SLIT1: variants seen among roughly 807,000 people sequenced by gnomAD.
The protein encoded by SLIT1 is slit guidance ligand 1.
Under a neutral mutation model 186.1 loss-of-function variants are expected in SLIT1, and 66 were observed. That is an observed-to-expected ratio of 0.35 (90% CI 0.29 to 0.44). The LOEUF is 0.44. SLIT1 is among the 20% of genes least tolerant of loss of function. The pLI is 1.00. For synonymous variants in SLIT1, 761 were observed against 833.8 expected (o/e 0.91, Z 1.50); for missense variants, 1,638 against 2,037.4 (o/e 0.80, Z 3.77).
rs1386624867 is a variant in SLIT1, at chr10:97,010,594, A to G, written c.3341+399T>C. Among the ~76,000 whole-genome samples the G allele has an allele frequency of 6.6e-6, 1 of 152,230 alleles. No homozygotes were observed. The highest frequency in any genetic ancestry group is 1.5e-5 in the Non-Finnish European group (1 of 68,040). On this transcript the variant is annotated intron_variant, in intron 31 of 36. Coordinates refer to ENST00000266058, the MANE Select transcript of SLIT1 (RefSeq NM_003061.3). The surrounding 1 kb of genome is among the most constrained non-coding windows in gnomAD (Gnocchi z 4.8). ...ATCTCAATAAAGCTATTTTTTAACAAATGAGTGAGCAGAGCATGGGACGTG... is the reference window on the plus strand; with the variant it reads ...ATCTCAATAAAGCTATTTTTTAACAGATGAGTGAGCAGAGCATGGGACGTG...
chr10:97,170,598 C>T (rs1034734522), intron 1 of SLIT1, among the ~76,000 whole-genome samples: 1 of 152,206 alleles, frequency 6.6e-6, no homozygotes, highest in Non-Finnish European at 1.5e-5. Flanking sequence ...AGCGCGTTCT[C>T]CCTCTTCCAA....
At chr10:97,142,734 T>C (rs1009013867) in intron 4 of SLIT1, among the ~76,000 whole-genome samples, 1 of 152,204 alleles carries the variant, frequency 6.6e-6, no homozygotes, top group Non-Finnish European at 1.5e-5. Flanking sequence ...AAGGGGTTAC[T>C]ATCTAGAATA....
At chr10:97,089,094 G>C (rs1849200346) in intron 4 of SLIT1, among the ~76,000 whole-genome samples, 1 of 152,224 alleles carries the variant, frequency 6.6e-6, no homozygotes, top group Non-Finnish European at 1.5e-5. Context: ...CCAGCTCCCA[G>C]GTGCCAGTGC....
At chr10:97,163,687 C>A (rs1409429421) in intron 2 of SLIT1, among the ~76,000 whole-genome samples, 1 of 152,242 alleles carries the variant, frequency 6.6e-6, no homozygotes, top group Non-Finnish European at 1.5e-5. Flanking sequence ...CATCTTACCT[C>A]ACCACAAAAT....
chr10:97,060,213 G>A (rs1215108066), intron 9 of SLIT1, 55 bp from the exon 10 acceptor site: 36 of 1,418,780 alleles, frequency 2.5e-5, no homozygotes, highest in Non-Finnish European at 3.4e-5. Flanking sequence ...CCAGCCCTGG[G>A]TGTTATCTGC....
At chr10:97,181,685 A>G (rs1413024654) in intron 1 of SLIT1, among the ~76,000 whole-genome samples, 1 of 152,110 alleles carries the variant, frequency 6.6e-6, no homozygotes, top group Non-Finnish European at 1.5e-5. Context: ...ATCTCTACAA[A>G]AAAGGAAAAA....
At chr10:97,036,279 G>A (rs1564658630) in intron 22 of SLIT1, among the ~76,000 whole-genome samples, 1 of 152,178 alleles carries the variant, frequency 6.6e-6, no homozygotes, top group Non-Finnish European at 1.5e-5. Flanking sequence ...ATGAGGAGGT[G>A]GTGGTACTTC....
rs1270351829 is a variant in SLIT1 at position 96,999,502 on chromosome 10, CAGAT to C, written c.*1606_*1609del. 2 of 152,440 alleles carry C rather than the reference CAGAT, an allele frequency of 1.3e-5. No individual in the cohort carries two copies. Among genetic ancestry groups the C allele is most frequent in the East Asian group, 1.9e-4 (1 of 5,198 alleles). 9.4% of individuals were successfully genotyped at this position (152,440 alleles called of 1,614,324 possible). On this transcript the variant is annotated 3_prime_UTR_variant, in exon 37 of 37. Coordinates refer to ENST00000266058, the MANE Select transcript of SLIT1 (RefSeq NM_003061.3). ...TACACCCAGCCATGCCTCCTGGTCA[CAGAT>C]GGAGGGAGCCAGGGCAGGGACATGC...
chr10:97,136,441 A>T (rs116590961), intron 4 of SLIT1, among the ~76,000 whole-genome samples: 2,051 of 152,304 alleles, frequency 0.013, 37 homozygotes, highest in African/African-American at 0.047. Context: ...CAATGTGTCC[A>T]TATGCTATTA....
At chr10:97,063,642 C>A in intron 7 of SLIT1, 24 bp from the exon 8 acceptor site, 4 of 1,571,230 alleles carry the variant, frequency 2.5e-6, no homozygotes, top group Non-Finnish European at 3.5e-6. Flanking sequence ...GGATGGCTCA[C>A]AACCCATCTG....
intron 4 of SLIT1, among the ~76,000 whole-genome samples, chr10:97,084,837 C>T (rs1183795030): frequency 6.6e-6 from 1 of 151,916 alleles, no homozygotes; most frequent in Non-Finnish European, 1.5e-5. Flanking sequence ...AACCTCTTGG[C>T]CTCAAGTGAT....
At chr10:97,170,666 A>G (rs142760133) in intron 1 of SLIT1, among the ~76,000 whole-genome samples, 101 of 152,342 alleles carry the variant, frequency 6.6e-4, no homozygotes, top group African/African-American at 1.7e-3. Flanking sequence ...CCAGTGGCAA[A>G]TGGCCCTGAT....
intron 1 of SLIT1, among the ~76,000 whole-genome samples, chr10:97,166,490 TG>T (rs1850108846): frequency 7.1e-6 from 1 of 140,030 alleles, no homozygotes; most frequent in Admixed American, 7.5e-5. Flanking sequence ...CACTCCAGCC[TG>T]GGCAACAAGA....
At chr10:97,015,128 A>G (rs1434632608) in intron 28 of SLIT1, among the ~76,000 whole-genome samples, 1 of 152,176 alleles carries the variant, frequency 6.6e-6, no homozygotes, top group African/African-American at 2.4e-5. Context: ...AAATATCTGC[A>G]CGAGCTCTTC....
intron 1 of SLIT1, among the ~76,000 whole-genome samples, chr10:97,168,462 T>C (rs1850147652): frequency 1.3e-5 from 2 of 152,256 alleles, no homozygotes; most frequent in Admixed American, 1.3e-4. Context: ...ACTTACTATG[T>C]GCAAAGCATT....
Position 97,060,076 on chromosome 10 carries a change from G to A in SLIT1, c.1013+11C>T, listed in dbSNP as rs750684164. 18 of 1,606,956 alleles carry A rather than the reference G, an allele frequency of 1.1e-5. No homozygotes were observed. Among genetic ancestry groups the A allele is most frequent in the South Asian group, 8.8e-5 (8 of 90,976 alleles). ...GTACCAGCTCCCCAGGAAGCAGTGG[G>A]AGGCACTCACATCCTCCGTAGCTTT... On this transcript the variant is annotated intron_variant, in intron 10 of 36. Coordinates refer to ENST00000266058, the MANE Select transcript of SLIT1 (RefSeq NM_003061.3).
chr10:96,998,473 C>T lies in SLIT1; in HGVS notation c.*2639G>A, dbSNP rs1035416402. On this transcript the variant is annotated 3_prime_UTR_variant, in exon 37 of 37. Transcript: ENST00000266058. ...CCTCCGGACGCACCCTGCTGTATCT[C>T]TTCATGCCTAAAATGCAGAGCGAAC... 1 of 152,216 alleles carries T rather than the reference C, an allele frequency of 6.6e-6. No homozygotes were observed. The highest frequency in any genetic ancestry group is 1.5e-5 in the Non-Finnish European group (1 of 68,056). 9.4% of individuals were successfully genotyped at this position (152,216 alleles called of 1,614,324 possible).
intron 25 of SLIT1, among the ~76,000 whole-genome samples, chr10:97,030,432 G>T (rs183627462): frequency 6.6e-6 from 1 of 152,152 alleles, no homozygotes; most frequent in Non-Finnish European, 1.5e-5. Flanking sequence ...TCCATTTCCC[G>T]GTGTGAAAGA....
rs565301491 is a variant in SLIT1 at position 97,052,582 on chromosome 10, T to C, written c.1302-3464A>G. On this transcript the variant is annotated intron_variant, in intron 13 of 36. Transcript: ENST00000266058. ...ATTCTGGAAATTTACTAAAAATCAC[T>C]GAATTGTATACTTAGAACAGGTGAA... is the stretch of plus-strand genomic sequence containing the variant. Among the ~76,000 whole-genome samples, 370 of 152,348 alleles carry C rather than the reference T, an allele frequency of 2.4e-3. 2 individuals are homozygous for C. The highest frequency in any genetic ancestry group is 4.8e-3 in the Non-Finnish European group (326 of 68,034).
Sources: allele counts gnomAD v4.1 joint callset (sites outside exome capture counted in the v4.1 genomes callset), GRCh38; gene constraint gnomAD v4.1.1; non-coding constraint Gnocchi (gnomAD v3.1); transcripts MANE v1.5; gene names NCBI Gene and HGNC (gene_info 2026-07-23, HGNC 2026-07-21).